The following RANBP2 variants were observed in gnomAD, a reference collection of about 807,000 sequenced individuals.
RANBP2 encodes RAN binding protein 2.
RANBP2 carries 57 observed loss-of-function variants against 303.6 expected under a neutral mutation model. That is an observed-to-expected ratio of 0.19 (90% CI 0.15 to 0.23). The LOEUF (loss-of-function observed/expected upper bound fraction) is 0.23, where lower values mean the gene tolerates loss of function less well. Ranked by LOEUF, RANBP2 falls within the 10% of genes least tolerant of loss-of-function variation. The pLI, the probability that RANBP2 is intolerant of heterozygous loss-of-function variation, is 1.00. For synonymous variants in RANBP2, 1,167 were observed against 1,301.5 expected, an observed-to-expected ratio of 0.90 and a Z score of 2.23; for missense variants, 3,138 against 3,780.8, an observed-to-expected ratio of 0.83 and a Z score of 4.46.
chr2:109,466,695 T>A, the RANBP2 span, among the ~76,000 whole-genome samples: 2 of 152,222 alleles, frequency 1.3e-5, no homozygotes, highest in Non-Finnish European at 2.9e-5. Context: ...TTCTAGGAGT[T>A]TCATAGTTTT....
At chr2:108,794,062 G>A in the RANBP2 span, among the ~76,000 whole-genome samples, 1 of 152,258 alleles carries the variant, frequency 6.6e-6, no homozygotes, top group East Asian at 1.9e-4. Flanking sequence ...TTTAAAAGAA[G>A]AGGTTATAGA....
chr2:109,179,003 A>ATTGTGTGTGTG, the RANBP2 span, among the ~76,000 whole-genome samples: 4 of 142,066 alleles, frequency 2.8e-5, no homozygotes, highest in Admixed American at 7.0e-5. Context: ...AAGTATAATA[A>ATTGTGTGTGTG]TGTGTGTGTG....
the RANBP2 span, among the ~76,000 whole-genome samples, chr2:108,822,244 T>C: frequency 6.6e-6 from 1 of 151,990 alleles, no homozygotes; most frequent in Non-Finnish European, 1.5e-5. Flanking sequence ...AAAGGTAAAT[T>C]CACCAAGAAG....
the RANBP2 span, among the ~76,000 whole-genome samples, chr2:108,936,375 G>C: frequency 6.6e-6 from 1 of 152,370 alleles, no homozygotes; most frequent in East Asian, 1.9e-4. Context: ...GGAGGGGAGA[G>C]GCTGTGGCTG....
chr2:109,533,781 G>A, the RANBP2 span, among the ~76,000 whole-genome samples: 11 of 152,176 alleles, frequency 7.2e-5, no homozygotes, highest in Non-Finnish European at 1.5e-4. Context: ...AAAGGTCCTG[G>A]GGGGTACTTT....
At chr2:109,103,536 T>C in the RANBP2 span, among the ~76,000 whole-genome samples, 1 of 152,166 alleles carries the variant, frequency 6.6e-6, no homozygotes, top group East Asian at 1.9e-4. Flanking sequence ...CAGCAGTTGG[T>C]TGAAAGAGTT....
chr2:109,472,316 G>A, the RANBP2 span, among the ~76,000 whole-genome samples: 2 of 152,034 alleles, frequency 1.3e-5, no homozygotes, highest in East Asian at 1.9e-4. Flanking sequence ...GGGGCCTCCC[G>A]GGCCCTCCTC....
At chr2:109,368,918 G>C in the RANBP2 span, among the ~76,000 whole-genome samples, 2 of 150,386 alleles carry the variant, frequency 1.3e-5, no homozygotes, top group Admixed American at 1.3e-4. Flanking sequence ...ATCTGAGCTG[G>C]GCCAATCATG....
At chr2:108,966,977 C>G in the RANBP2 span, among the ~76,000 whole-genome samples, 2 of 152,232 alleles carry the variant, frequency 1.3e-5, no homozygotes, top group Non-Finnish European at 2.9e-5. Flanking sequence ...CTCTGTTGCC[C>G]AGGCTGGAGT....
chr2:108,972,449 G>A, the RANBP2 span, among the ~76,000 whole-genome samples: 36 of 152,214 alleles, frequency 2.4e-4, no homozygotes, highest in African/African-American at 7.0e-4. Context: ...TCATGCCAAC[G>A]TGCCAGACAC....
the RANBP2 span, among the ~76,000 whole-genome samples, chr2:108,820,699 C>CAAAAAAAAAAAAAAA: frequency 1.6e-5 from 1 of 62,588 alleles, no homozygotes; most frequent in African/African-American, 5.3e-5. Context: ...ATTCAAAGTG[C>CAAAAAAAAAAAAAAA]AAAAAAAAAA....
the RANBP2 span, among the ~76,000 whole-genome samples, chr2:109,045,643 C>T: frequency 6.6e-6 from 1 of 152,128 alleles, no homozygotes; most frequent in Admixed American, 6.5e-5. Flanking sequence ...GTGCCCTTCC[C>T]GAACATAAGG....
At chr2:109,361,722 C>T in the RANBP2 span, among the ~76,000 whole-genome samples, 1 of 152,106 alleles carries the variant, frequency 6.6e-6, no homozygotes, top group Admixed American at 6.6e-5. Flanking sequence ...ATAATCTGCC[C>T]ACCTCAGCCT....
intron 1 of RANBP2, chr2:108,720,319 C>G: frequency 1.4e-6 from 1 of 712,282 alleles, no homozygotes; most frequent in Non-Finnish European, 1.7e-6. Context: ...TCCCTCGCCC[C>G]CCTCCCCGCC....
chr2:109,354,755 A>G, the RANBP2 span, among the ~76,000 whole-genome samples: 1 of 152,232 alleles, frequency 6.6e-6, no homozygotes, highest in South Asian at 2.1e-4. Context: ...TCTGTTCTTC[A>G]CAAAGGCGCA....
At chr2:109,537,561 AT>A in the RANBP2 span, among the ~76,000 whole-genome samples, 8,359 of 150,028 alleles carry the variant, frequency 0.056, 326 homozygotes, top group Non-Finnish European at 0.086. Context: ...ATGAGTTTGG[AT>A]TTTTTTTTTA....
the RANBP2 span, among the ~76,000 whole-genome samples, chr2:109,696,856 C>T: frequency 1.3e-5 from 2 of 152,142 alleles, no homozygotes; most frequent in Admixed American, 6.5e-5. Context: ...CAGCTCACTG[C>T]AACCTCAAAC....
At chr2:109,727,338 A>G in the RANBP2 span, among the ~76,000 whole-genome samples, 2 of 152,234 alleles carry the variant, frequency 1.3e-5, no homozygotes, top group Non-Finnish European at 2.9e-5. Context: ...TGCTCACCAC[A>G]GTTCCATGAG....
chr2:109,056,071 T>C, the RANBP2 span, among the ~76,000 whole-genome samples: 17 of 152,012 alleles, frequency 1.1e-4, no homozygotes, highest in Non-Finnish European at 7.4e-5. Flanking sequence ...AGCTCTAGTA[T>C]TATCTGTTAT....
Sources: gnomAD v4.1 joint callset for allele counts (sites outside exome capture counted in the v4.1 genomes callset) on GRCh38, gnomAD v4.1.1 for gene constraint, MANE v1.5 for transcripts, NCBI Gene and HGNC (gene_info 2026-07-23, HGNC 2026-07-21) for gene names.